RAPGEF4: variants seen among roughly 807,000 people sequenced by gnomAD.
RAPGEF4 encodes the protein Rap guanine nucleotide exchange factor 4, also known as RAP guanine-nucleotide-exchange factor (GEF) 4.
RAPGEF4 carries 66 observed loss-of-function variants against 147.9 expected under a neutral mutation model. The observed-to-expected ratio is 0.45, with a 90% CI of 0.37 to 0.55. The LOEUF (loss-of-function observed/expected upper bound fraction) is 0.55, where lower values mean the gene tolerates loss of function less well. Among genes scored for constraint, RAPGEF4 ranks in the 20% least tolerant of loss-of-function variants. The pLI, the probability that RAPGEF4 is intolerant of heterozygous loss-of-function variation, is 0.00. For synonymous variants in RAPGEF4, 419 were observed against 442.7 expected, an observed-to-expected ratio of 0.95 and a Z score of 0.67; for missense variants, 1,071 against 1,257.3, an observed-to-expected ratio of 0.85 and a Z score of 2.24.
intron 10 of RAPGEF4, among the ~76,000 whole-genome samples, chr2:172,974,811 T>C (rs913561332): frequency 1.3e-5 from 2 of 152,232 alleles, no homozygotes; most frequent in Admixed American, 6.5e-5. Flanking sequence ...GGCGTGCTGC[T>C]AATCCATAAT....
At chr2:172,792,103 C>T (rs1294816335) in intron 1 of RAPGEF4, among the ~76,000 whole-genome samples, 1 of 152,204 alleles carries the variant, frequency 6.6e-6, no homozygotes, top group Admixed American at 6.5e-5. Flanking sequence ...GCTACCAGTG[C>T]TTCTGTGGCC....
chr2:172,833,475 T>C lies in RAPGEF4; in HGVS notation c.444+19050T>C, dbSNP rs771507706. 9.2e-5 allele frequency among the ~76,000 whole-genome samples: 14 copies of C among 152,336 alleles called. No individual in the cohort carries two copies. In the South Asian group the frequency reaches 1.5e-3, roughly 16 times the overall value. Reference sequence around the variant, plus strand: ...AGGAGTATACTTGTTTTTTCAGTTCTTTAACCTGAGTAATTTCAAACTTTG... The same window carrying C: ...AGGAGTATACTTGTTTTTTCAGTTCCTTAACCTGAGTAATTTCAAACTTTG... On this transcript the variant is annotated intron_variant, in intron 4 of 30. Coordinates refer to ENST00000397081, the MANE Select transcript of RAPGEF4 (RefSeq NM_007023.4).
At chr2:172,838,872 T>A (rs961459079) in intron 4 of RAPGEF4, among the ~76,000 whole-genome samples, 1 of 152,132 alleles carries the variant, frequency 6.6e-6, no homozygotes, top group Non-Finnish European at 1.5e-5. Context: ...ACCTATTTAT[T>A]TGAACCATAT....
chr2:172,832,697 T>C (rs1224846615), intron 4 of RAPGEF4, among the ~76,000 whole-genome samples: 1 of 152,236 alleles, frequency 6.6e-6, no homozygotes, highest in Non-Finnish European at 1.5e-5. Flanking sequence ...ACAAAACTGA[T>C]TCAACTGTTT....
intron 3 of RAPGEF4, among the ~76,000 whole-genome samples, chr2:172,809,195 GT>G (rs1259345526): frequency 6.6e-6 from 1 of 152,140 alleles, no homozygotes; most frequent in Non-Finnish European, 1.5e-5. Context: ...CAGCCCCCAG[GT>G]TAGTGTGGGG....
At chr2:172,798,983 T>C (rs1186448839) in intron 3 of RAPGEF4, among the ~76,000 whole-genome samples, 2 of 152,210 alleles carry the variant, frequency 1.3e-5, no homozygotes, top group Non-Finnish European at 2.9e-5. Flanking sequence ...TTCCTCTTGC[T>C]GTCTCTCACA....
At chr2:172,849,187 GCT>G (rs1692549471) in intron 4 of RAPGEF4, among the ~76,000 whole-genome samples, 1 of 151,686 alleles carries the variant, frequency 6.6e-6, no homozygotes, top group South Asian at 2.1e-4. Flanking sequence ...TAATTCCAGA[GCT>G]TAATCATTGG....
intron 1 of RAPGEF4, among the ~76,000 whole-genome samples, chr2:172,773,597 A>C: frequency 1.4e-5 from 2 of 143,098 alleles, no homozygotes; most frequent in South Asian, 2.3e-4. Context: ...TCTATCTCCT[A>C]CTCCAGACTT....
chr2:172,768,988 T>C (rs1231129686), intron 1 of RAPGEF4, among the ~76,000 whole-genome samples: 1 of 152,112 alleles, frequency 6.6e-6, no homozygotes. Context: ...AGCACCAACA[T>C]GGTGGTGTGG....
intron 6 of RAPGEF4, among the ~76,000 whole-genome samples, chr2:172,925,022 A>G (rs1685135753): frequency 6.6e-6 from 1 of 152,132 alleles, no homozygotes; most frequent in Non-Finnish European, 1.5e-5. Context: ...ATCTTGGCTC[A>G]CTGCAAGCTC....
At chr2:173,041,300 T>C (rs2106041782) in intron 29 of RAPGEF4, among the ~76,000 whole-genome samples, 1 of 152,250 alleles carries the variant, frequency 6.6e-6, no homozygotes, top group South Asian at 2.1e-4. Flanking sequence ...CGTGTTCAAG[T>C]CCACCCTATT....
At chr2:172,869,882 G>A (rs1695031608) in intron 4 of RAPGEF4, among the ~76,000 whole-genome samples, 1 of 152,126 alleles carries the variant, frequency 6.6e-6, no homozygotes. Context: ...TTTTATATGG[G>A]CTGCAGATAC....
intron 16 of RAPGEF4, among the ~76,000 whole-genome samples, chr2:173,000,541 C>A (rs1322438718): frequency 6.6e-6 from 1 of 152,170 alleles, no homozygotes. Flanking sequence ...GAAGAACCAG[C>A]ATCAAATTCA....
At chr2:172,978,201 C>A (rs949823318) in intron 10 of RAPGEF4, among the ~76,000 whole-genome samples, 7 of 151,680 alleles carry the variant, frequency 4.6e-5, no homozygotes, top group South Asian at 2.1e-4. Context: ...TGGTCACACC[C>A]CCCCCAGAGC....
At chr2:172,964,205 G>GTGCGGGTA (rs1689592108) in intron 8 of RAPGEF4, among the ~76,000 whole-genome samples, 7 of 151,970 alleles carry the variant, frequency 4.6e-5, no homozygotes, top group Admixed American at 4.6e-4. Context: ...AAGCTCTAAT[G>GTGCGGGTA]TGCGGGTATA....
rs557978733 is a variant in RAPGEF4 at position 173,030,534 on chromosome 2, C to T, written c.2649+280C>T. The stretch of plus-strand genomic sequence containing the variant: ...AAATAAGTCCAGTTCCTAAGTATAA[C>T]ATGAAGGACCCACATTGCTGGGAAT... On this transcript the variant is annotated intron_variant, in intron 26 of 30. Transcript: ENST00000397081. Among the ~76,000 whole-genome samples the T allele has an allele frequency of 1.6e-4, 24 of 152,346 alleles. No homozygotes were observed. The East Asian group carries it at 4.2e-3, about 27-fold the overall frequency.
chr2:173,030,275 A>T (rs756531869), intron 26 of RAPGEF4, 21 bp downstream of exon 26: 2 of 1,579,762 alleles, frequency 1.3e-6, no homozygotes, highest in Non-Finnish European at 1.7e-6. Flanking sequence ...GCTAGGATCC[A>T]GCTGTGACTT....
At chr2:172,974,101 G>C (rs1160364428) in intron 10 of RAPGEF4, among the ~76,000 whole-genome samples, 1 of 152,202 alleles carries the variant, frequency 6.6e-6, no homozygotes, top group African/African-American at 2.4e-5. Flanking sequence ...TAGACACTGT[G>C]CTAAACAATT....
intron 4 of RAPGEF4, among the ~76,000 whole-genome samples, chr2:172,833,525 A>T (rs1690602170): frequency 6.6e-6 from 1 of 151,972 alleles, no homozygotes; most frequent in South Asian, 2.1e-4. Context: ...TTCGCTTTGT[A>T]TTTCCCTAAT....
Sources: gnomAD v4.1 joint callset for allele counts (sites outside exome capture counted in the v4.1 genomes callset) on GRCh38, gnomAD v4.1.1 for gene constraint, MANE v1.5 for transcripts, NCBI Gene and HGNC (gene_info 2026-07-23, HGNC 2026-07-21) for gene names.